Variants in SYNE2 observed in about 807,000 individuals in gnomAD.
SYNE2 encodes the protein spectrin repeat containing nuclear envelope protein 2, also known as nesprin-2.
SYNE2 carries 431 observed loss-of-function variants against 856.3 expected under a neutral mutation model. The ratio of observed to expected loss-of-function variants is 0.50; its 90% CI spans 0.47 to 0.55. The LOEUF (loss-of-function observed/expected upper bound fraction) is 0.55, where lower values mean the gene tolerates loss of function less well. SYNE2 is among the 20% of genes least tolerant of loss of function. The pLI is 0.00. For synonymous variants in SYNE2, 2,923 were observed against 2,872.3 expected (o/e 1.02, Z -0.56); for missense variants, 8,129 against 8,023.2 (o/e 1.01, Z -0.50).
intron 84 of SYNE2, among the ~76,000 whole-genome samples, chr14:64,152,327 T>C (rs956733441): frequency 6.6e-6 from 1 of 152,166 alleles, no homozygotes; most frequent in Non-Finnish European, 1.5e-5. Flanking sequence ...CGGACCAGCA[T>C]CCTTTCTGCT....
In SYNE2 at chr14:64,220,509, C is replaced by G. The variant is rs1423476815; in HGVS notation, c.19933C>G (p.Gln6645Glu). The G allele has an allele frequency of 1.2e-5, 20 of 1,614,222 alleles. No homozygotes were observed. Among genetic ancestry groups the G allele is most frequent in the Non-Finnish European group, 1.7e-5 (20 of 1,180,044 alleles). Reference sequence around the variant, plus strand: ...CAACGTGAGCAGCAAGGAATTTCTGCAAACCGAGAGCCCCGAATCCACAGA... The same window carrying G: ...CAACGTGAGCAGCAAGGAATTTCTGGAAACCGAGAGCCCCGAATCCACAGA... ...SVNVSSKEFL[Q>E]TESPESTELQ... The change falls in exon 111 of 116, where the codon CAA (glutamine) becomes GAA (glutamate). Residue 6645 changes from glutamine to glutamate, a missense_variant. Gln to Glu is a conservative substitution (Grantham distance 29, BLOSUM62 2). Coordinates refer to ENST00000555002, the MANE Select transcript of SYNE2 (RefSeq NM_182914.3).
At chr14:63,902,833 A>G (rs1320773821) in intron 1 of SYNE2, among the ~76,000 whole-genome samples, 1 of 152,046 alleles carries the variant, frequency 6.6e-6, no homozygotes, top group Non-Finnish European at 1.5e-5. Context: ...AGCTAGGACT[A>G]CAGGTGTATG....
rs1212798564 is a variant in SYNE2 at position 63,882,731 on chromosome 14, C to CA, written c.-51-26360dup. 4.6e-5 allele frequency among the ~76,000 whole-genome samples: 7 copies of CA among 151,896 alleles called. No individual in the cohort carries two copies. The South Asian group carries it at 1.2e-3, about 27-fold the overall frequency. ...AGAAAAACAAACAAACAAACAAAAA[C>CA]AAAAAAACAGTTACTTGTGGAAAGG... On this transcript the variant is annotated intron_variant, in intron 1 of 115. Transcript: ENST00000555002.
At chr14:64,072,798 G>A (rs987727782) in intron 52 of SYNE2, among the ~76,000 whole-genome samples, 4 of 152,180 alleles carry the variant, frequency 2.6e-5, no homozygotes, top group African/African-American at 7.2e-5. Flanking sequence ...ACTGCGCCCC[G>A]CTGGTACACT....
At chr14:64,183,124 C>T (rs987245183) in intron 96 of SYNE2, among the ~76,000 whole-genome samples, 3 of 149,552 alleles carry the variant, frequency 2.0e-5, no homozygotes, top group South Asian at 2.1e-4. Context: ...TCGGACGGGG[C>T]GGCTGCCGGG....
intron 1 of SYNE2, among the ~76,000 whole-genome samples, chr14:63,768,219 G>A (rs112380818): frequency 1.8e-3 from 276 of 151,962 alleles, no homozygotes; most frequent in Middle Eastern, 3.4e-3. Flanking sequence ...GATTACACAC[G>A]CAAACACATC....
intron 113 of SYNE2, 131 bp downstream of exon 113, chr14:64,223,511 G>T (rs577023834): frequency 1.8e-5 from 17 of 945,194 alleles, no homozygotes; most frequent in Non-Finnish European, 2.6e-5. Context: ...GCCTCATGTC[G>T]TGCCCTTTTT....
Position 64,107,535 on chromosome 14 carries a change from A to G in SYNE2, c.12537A>G (p.Gln4179=), listed in dbSNP as rs369330578. 2.5e-6 allele frequency: 4 copies of G among 1,614,194 alleles called. No homozygotes were observed. Among genetic ancestry groups the G allele is most frequent in the Non-Finnish European group, 1.7e-6 (2 of 1,180,028 alleles). The change falls in exon 65 of 116, where the codon CAA becomes CAG. Residue 4179 remains glutamine, a synonymous_variant. Coordinates refer to ENST00000555002, the MANE Select transcript of SYNE2 (RefSeq NM_182914.3). ...GCACCTCTGATAATTCCATGGCACA[A>G]ATCCTCACACCAGACTCACTAAACA... ...KISTSDNSMA[Q]ILTPDSLNTE... is the part of the protein sequence containing the mutation.
intron 78 of SYNE2, among the ~76,000 whole-genome samples, chr14:64,136,800 T>C (rs1298508160): frequency 6.6e-6 from 1 of 152,154 alleles, no homozygotes; most frequent in Non-Finnish European, 1.5e-5. Context: ...AATAGAGAAA[T>C]ACTATTTTAT....
In SYNE2 at chr14:64,219,104, G is replaced by GTTTT. The variant is rs528002229; in HGVS notation, c.19658-87_19658-84dup. On this transcript the variant is annotated intron_variant, in intron 109 of 115. Coordinates refer to ENST00000555002, the MANE Select transcript of SYNE2 (RefSeq NM_182914.3). ...CAGGGGAATCCCCTACAGTTTTTTT[G>GTTTT]TTTTTTTTTTTTTTTTTTTTAACCA... is the stretch of plus-strand genomic sequence containing the variant. 908 of 408,544 alleles carry GTTTT rather than the reference G, an allele frequency of 2.2e-3. 15 individuals are homozygous for GTTTT. The highest frequency in any genetic ancestry group is 0.019 in the African/African-American group (573 of 30,482). The allele number at this position is 408,544 out of a possible 1,614,324, so 25.3% of individuals were successfully genotyped here.
chr14:64,210,831 C>G (rs1054595015), intron 103 of SYNE2, among the ~76,000 whole-genome samples: 1 of 152,030 alleles, frequency 6.6e-6, no homozygotes, highest in African/African-American at 2.4e-5. Context: ...TTCTTTTCTT[C>G]CTTTCTTTTC....
intron 88 of SYNE2, among the ~76,000 whole-genome samples, chr14:64,163,155 G>T (rs1468451655): frequency 2.0e-5 from 3 of 152,170 alleles, no homozygotes; most frequent in African/African-American, 7.2e-5. Flanking sequence ...CTATACACTA[G>T]AAGCCTCGAC....
At chr14:64,083,060 C>T (rs1232733229) in intron 57 of SYNE2, among the ~76,000 whole-genome samples, 1 of 152,176 alleles carries the variant, frequency 6.6e-6, no homozygotes, top group Non-Finnish European at 1.5e-5. Flanking sequence ...CAGAATCAGA[C>T]TTCCAAGGTG....
rs903391848 is a variant in SYNE2 at position 64,161,740 on chromosome 14, C to CAA, written c.16095-315_16095-314dup. On this transcript the variant is annotated intron_variant, in intron 87 of 115. Transcript: ENST00000555002. ...GCAACATATCAAGGCCCTGTCTCTA[C>CAA]AAAAAAAAAAAAAAAAAAGTTTGAG... 1.0e-2 allele frequency among the ~76,000 whole-genome samples: 561 copies of CAA among 56,262 alleles called. 7 individuals are homozygous for CAA. The highest frequency in any genetic ancestry group is 0.03 in the African/African-American group (532 of 17,862). The allele number at this position is 56,262 out of a possible 152,430, so 36.9% of individuals were successfully genotyped here.
chr14:64,063,594 C>T (rs1468448101), intron 50 of SYNE2, among the ~76,000 whole-genome samples: 1 of 152,208 alleles, frequency 6.6e-6, no homozygotes, highest in Non-Finnish European at 1.5e-5. Flanking sequence ...ACTTCTTAGA[C>T]TGTTACAAAG....
At chr14:63,922,929 G>T (rs1485538909) in intron 2 of SYNE2, among the ~76,000 whole-genome samples, 1 of 152,142 alleles carries the variant, frequency 6.6e-6, no homozygotes, top group East Asian at 1.9e-4. Context: ...GCTCTGTTTA[G>T]TGCAGTCTGG....
At chr14:63,994,338 TG>T (rs1205061343) in intron 22 of SYNE2, among the ~76,000 whole-genome samples, 1 of 152,222 alleles carries the variant, frequency 6.6e-6, no homozygotes, top group African/African-American at 2.4e-5. Context: ...AATATTGAAA[TG>T]TGTAATTAAT....
In SYNE2 at chr14:63,786,093, T is replaced by TA. The variant is rs562484949; in HGVS notation, c.-305+24115dup. Among the ~76,000 whole-genome samples, 84 of 151,454 alleles carry TA rather than the reference T, an allele frequency of 5.5e-4. 1 individual carries two copies. Among genetic ancestry groups the TA allele is most frequent in the South Asian group, 3.8e-3 (18 of 4,798 alleles). ...TGGTGAATCCCGTCTCTACTAAAAATAAAAAAAATAGCTGGGCATGGTGGT... is the reference window on the plus strand; with the variant it reads ...TGGTGAATCCCGTCTCTACTAAAAATAAAAAAAAATAGCTGGGCATGGTGGT... On this transcript the variant is annotated intron_variant, in intron 1 of 23. Coordinates refer to the SYNE2 transcript ENST00000674003.
At chr14:64,140,126 A>C in intron 80 of SYNE2, 53 bp downstream of exon 80, 1 of 1,559,590 alleles carries the variant, frequency 6.4e-7, no homozygotes, top group Non-Finnish European at 8.8e-7. Flanking sequence ...ATAAATATCA[A>C]GGAAAAAGCA....
Sources: allele counts gnomAD v4.1 joint callset (sites outside exome capture counted in the v4.1 genomes callset), GRCh38; gene constraint gnomAD v4.1.1; transcripts MANE v1.5; gene names NCBI Gene and HGNC (gene_info 2026-07-23, HGNC 2026-07-21).